The following DNAH10 variants were observed in gnomAD, a reference collection of about 807,000 sequenced individuals.
DNAH10 encodes dynein axonemal heavy chain 10, also known as axonemal beta dynein heavy chain 10.
In DNAH10, 348 loss-of-function variants were observed where a neutral mutation model predicts 506.6. The ratio of observed to expected loss-of-function variants is 0.69; its 90% CI spans 0.63 to 0.75. DNAH10 has a LOEUF of 0.75. DNAH10 is among the 30% of genes least tolerant of loss of function. The pLI, the probability that DNAH10 is intolerant of heterozygous loss-of-function variation, is 0.00. For synonymous variants in DNAH10, 2,059 were observed against 2,198.6 expected (o/e 0.94, Z 1.78); for missense variants, 5,179 against 5,787.1 (o/e 0.89, Z 3.41).
At chr12:123,826,603 G>C (rs1960017044) in intron 24 of DNAH10, 84 bp from the exon 25 acceptor site, 1 of 1,229,134 alleles carries the variant, frequency 8.1e-7, no homozygotes, top group East Asian at 2.3e-5. Context: ...ATATCTGAAC[G>C]TGACTAAGAG....
At chr12:123,915,169 C>T (rs1328935604) in intron 62 of DNAH10, among the ~76,000 whole-genome samples, 170 bp downstream of exon 62, 1 of 152,162 alleles carries the variant, frequency 6.6e-6, no homozygotes, top group African/African-American at 2.4e-5. Flanking sequence ...CGCCTCCACC[C>T]CGTGGGTCTG....
intron 18 of DNAH10, among the ~76,000 whole-genome samples, chr12:123,808,196 C>A (rs370475402): frequency 3.9e-5 from 6 of 152,104 alleles, no homozygotes; most frequent in South Asian, 2.1e-4. Flanking sequence ...CTATGCCCAG[C>A]TAATTTATTT....
chr12:123,797,396 C>CTTTTCTTTTTCT (rs771524146), intron 13 of DNAH10, among the ~76,000 whole-genome samples: 3 of 142,774 alleles, frequency 2.1e-5, no homozygotes, highest in Non-Finnish European at 3.1e-5. Flanking sequence ...TTTTCTTTTT[C>CTTTTCTTTTTCT]TTTTTTTTTT....
chr12:123,924,799 A>G (rs1474967079), intron 67 of DNAH10, among the ~76,000 whole-genome samples: 1 of 152,072 alleles, frequency 6.6e-6, no homozygotes, highest in African/African-American at 2.4e-5. Flanking sequence ...TCCAAGAAAT[A>G]GTTGTTGGGC....
At chr12:123,896,126 CACACACACACACACACACACACAGAGAG>C (rs1404327560) in intron 54 of DNAH10, among the ~76,000 whole-genome samples, 5 of 105,172 alleles carry the variant, frequency 4.8e-5, no homozygotes, top group African/African-American at 2.6e-4. Context: ...CACACACACA[CACACACACACACACACACACACAGAGAG>C]AGAGAGAGAG....
chr12:123,778,090 C>G (rs1300471559), intron 5 of DNAH10, among the ~76,000 whole-genome samples: 3 of 152,022 alleles, frequency 2.0e-5, no homozygotes, highest in African/African-American at 7.3e-5. Context: ...GTAGTCCCAG[C>G]TACTCTGGAG....
chr12:123,908,653 C>T (rs1267274302), intron 57 of DNAH10: 1 of 435,036 alleles, frequency 2.3e-6, no homozygotes, highest in Non-Finnish European at 4.7e-6. Flanking sequence ...GGAACAAGGG[C>T]AGTGGACATC....
intron 19 of DNAH10, among the ~76,000 whole-genome samples, chr12:123,811,861 T>A (rs1415567266): frequency 1.3e-5 from 2 of 151,864 alleles, no homozygotes; most frequent in Non-Finnish European, 2.9e-5. Context: ...ATGGTTTTGA[T>A]CTCTTGATGT....
chr12:123,775,355 C>T (rs772558278), intron 5 of DNAH10, among the ~76,000 whole-genome samples: 6 of 152,140 alleles, frequency 3.9e-5, no homozygotes, highest in African/African-American at 4.8e-5. Context: ...ACAATCTGCC[C>T]GCCTTGGCCT....
chr12:123,800,300 A>G lies in DNAH10; in HGVS notation c.2374A>G (p.Ile792Val). The G allele has an allele frequency of 1.9e-6, 3 of 1,614,190 alleles. No individual in the cohort carries two copies. Among genetic ancestry groups the G allele is most frequent in the Non-Finnish European group, 2.5e-6 (3 of 1,180,040 alleles). Residue 792 changes from isoleucine to valine, a missense_variant, in exon 15 of 79, where the codon ATT (isoleucine) becomes GTT (valine). Ile to Val is a conservative substitution (Grantham distance 29). Around this residue, in one of 3 missense-constraint regions of DNAH10, gnomAD observed 4,844 missense variants for 5,430.5 expected, o/e 0.89. Transcript: ENST00000673944. ...CTTTTCACCGGCTCTCAGAGAGATT[A>G]TTAATGAAACAAAGTACTTAGAGCA... ...INFSPALREIINETKYLEQLG... is the reference protein window; with the variant it reads ...INFSPALREIVNETKYLEQLG...
In DNAH10 at chr12:123,820,773, G is replaced by T. The variant is rs1959313140; in HGVS notation, c.4179+15G>T. On this transcript the variant is annotated intron_variant, in intron 24 of 78. Transcript: ENST00000673944. ...AAGGACTAAAGGTGAGCATCTCCCT[G>T]AAAGCGAAGGACTCAGGCTCACTGA... 6.2e-7 allele frequency: 1 copy of T among 1,613,170 alleles called. No individual in the cohort carries two copies.
chr12:123,825,383 C>T (rs903555153), intron 24 of DNAH10, among the ~76,000 whole-genome samples: 2 of 152,082 alleles, frequency 1.3e-5, no homozygotes, highest in Admixed American at 1.3e-4. Context: ...AGAAACAACC[C>T]AAATGCCCAT....
At chr12:123,934,270 G>A (rs1158315114) in intron 77 of DNAH10, 2 of 696,658 alleles carry the variant, frequency 2.9e-6, no homozygotes, top group African/African-American at 1.7e-5. Flanking sequence ...TTGCCATGGT[G>A]CCCATTCTGA....
At chr12:123,875,600 CT>C (rs1471352160) in intron 47 of DNAH10, 109 bp downstream of exon 47, 12 of 1,261,026 alleles carry the variant, frequency 9.5e-6, no homozygotes, top group Non-Finnish European at 1.3e-5. Context: ...GCCCTCAATA[CT>C]TTTAAGGGCC....
rs542896931 is a variant in DNAH10 at position 123,835,817 on chromosome 12, A to G, written c.4902+289A>G. On this transcript the variant is annotated intron_variant, in intron 28 of 78. Transcript: ENST00000673944. ...TTAAAACATTTTTTATAGGGATAGG[A>G]TCTTGCTATGTTGTCCAGGCTGGTC... Among the ~76,000 whole-genome samples, 8 of 152,190 alleles carry G rather than the reference A, an allele frequency of 5.3e-5. No homozygotes were observed. The South Asian group carries it at 1.7e-3, about 32-fold the overall frequency.
At chr12:123,765,074 CT>C (rs1051132089) in intron 1 of DNAH10, among the ~76,000 whole-genome samples, 4 of 151,648 alleles carry the variant, frequency 2.6e-5, no homozygotes, top group African/African-American at 7.3e-5. Flanking sequence ...CCTTTGTTTC[CT>C]TTTTTTTCCT....
chr12:123,872,776 G>A (rs559272217), intron 45 of DNAH10, among the ~76,000 whole-genome samples: 1 of 152,276 alleles, frequency 6.6e-6, no homozygotes, highest in East Asian at 1.9e-4. Context: ...GTGCACCACT[G>A]CACTCCAACC....
intron 40 of DNAH10, among the ~76,000 whole-genome samples, chr12:123,865,386 TG>T (rs765993265): frequency 8.7e-4 from 132 of 152,330 alleles, no homozygotes; most frequent in Non-Finnish European, 1.2e-3. Flanking sequence ...GGTGTGGCCC[TG>T]GGACTTGCTT....
At chr12:123,844,308 C>T (rs939373803) in intron 30 of DNAH10, among the ~76,000 whole-genome samples, 6 of 152,108 alleles carry the variant, frequency 3.9e-5, no homozygotes, top group South Asian at 2.1e-4. Context: ...CAATTTGAGA[C>T]GAGACGTGGG....
Sources: gnomAD v4.1 joint callset for allele counts (sites outside exome capture counted in the v4.1 genomes callset) on GRCh38, gnomAD v4.1.1 for gene constraint, gnomAD v4.1.1 regional missense constraint, MANE v1.5 for transcripts, NCBI Gene and HGNC (gene_info 2026-07-23, HGNC 2026-07-21) for gene names.